EDIL3: variants seen among roughly 807,000 people sequenced by gnomAD.
EDIL3 encodes the protein EGF-like repeat and discoidin I-like domain-containing protein 3.
A neutral mutation model predicts 67.4 loss-of-function variants in EDIL3; 37 were observed. The ratio of observed to expected loss-of-function variants is 0.55; its 90% CI spans 0.42 to 0.72. EDIL3 has a LOEUF of 0.72. Among genes scored for constraint, EDIL3 ranks in the 30% least tolerant of loss-of-function variants. The pLI is 0.00. For synonymous variants in EDIL3, 195 were observed against 196.3 expected (o/e 0.99, Z 0.05); for missense variants, 527 against 586.3 (o/e 0.90, Z 1.04).
chr5:84,371,609 T>TA (rs947718178), intron 1 of EDIL3, among the ~76,000 whole-genome samples: 13 of 150,944 alleles, frequency 8.6e-5, no homozygotes, highest in Admixed American at 7.9e-4. Context: ...ATGTACATGA[T>TA]AAAAAATAAC....
At chr5:84,036,049 G>A (rs1205418261) in intron 9 of EDIL3, among the ~76,000 whole-genome samples, 2 of 152,166 alleles carry the variant, frequency 1.3e-5, no homozygotes, top group African/African-American at 4.8e-5. Flanking sequence ...TTGCAAACGT[G>A]CAAGTTTGGT....
At chr5:84,112,871 TAAAC>T (rs1368090081) in intron 5 of EDIL3, among the ~76,000 whole-genome samples, 1 of 152,146 alleles carries the variant, frequency 6.6e-6, no homozygotes, top group East Asian at 1.9e-4. Flanking sequence ...GAAAGGTAAA[TAAAC>T]AATACAAATG....
At chr5:84,383,547 G>A (rs1181250102) in intron 1 of EDIL3, among the ~76,000 whole-genome samples, 2 of 152,020 alleles carry the variant, frequency 1.3e-5, no homozygotes, top group African/African-American at 4.8e-5. Context: ...CAACTTTTCC[G>A]CTCCTGTGCG....
intron 9 of EDIL3, among the ~76,000 whole-genome samples, chr5:84,045,848 C>A (rs1426994280): frequency 6.6e-6 from 1 of 152,260 alleles, no homozygotes; most frequent in South Asian, 2.1e-4. Context: ...TATCAGCCAG[C>A]AAATCAATAC....
At chr5:84,249,577 A>G (rs1358297766) in intron 2 of EDIL3, among the ~76,000 whole-genome samples, 1 of 152,154 alleles carries the variant, frequency 6.6e-6, no homozygotes, top group Non-Finnish European at 1.5e-5. Context: ...TAAACACTCA[A>G]TAAATATTTG....
chr5:84,122,430 T>A (rs1747792676), intron 5 of EDIL3, among the ~76,000 whole-genome samples: 1 of 152,034 alleles, frequency 6.6e-6, no homozygotes. Context: ...GTTACATATG[T>A]ATACATGTGC....
chr5:84,109,766 CA>C (rs755122026), intron 5 of EDIL3, among the ~76,000 whole-genome samples: 2 of 152,116 alleles, frequency 1.3e-5, no homozygotes, highest in South Asian at 4.2e-4. Flanking sequence ...TACATATAGT[CA>C]AAAAAGGCCA....
At position 84,278,259 on chromosome 5, in the gene EDIL3, CTT is replaced by C. The variant is rs199601762; in HGVS notation, c.68-24049_68-24048del. Among the ~76,000 whole-genome samples the C allele has an allele frequency of 2.2e-3, 338 of 152,292 alleles. 1 individual carries two copies. The East Asian group carries it at 0.036, about 16-fold the overall frequency. ...AACATTACAGACTGTCTATTCCTCT[CTT>C]GTGTTTCACTGTATATTTCATTCAT... On this transcript the variant is annotated intron_variant, in intron 1 of 10. Coordinates refer to ENST00000296591, the MANE Select transcript of EDIL3 (RefSeq NM_005711.5).
intron 1 of EDIL3, among the ~76,000 whole-genome samples, chr5:84,349,862 T>C (rs1446824032): frequency 6.6e-6 from 1 of 152,170 alleles, no homozygotes; most frequent in Non-Finnish European, 1.5e-5. Context: ...GCAAATACTT[T>C]TGATTAACTT....
chr5:83,970,678 T>G, intron 9 of EDIL3, among the ~76,000 whole-genome samples: 1 of 109,010 alleles, frequency 9.2e-6, no homozygotes, highest in African/African-American at 3.2e-5. Context: ...TATATATATA[T>G]ATATATTTAA....
intron 6 of EDIL3, chr5:84,078,684 GC>G (rs2112255321): frequency 6.6e-6 from 1 of 152,280 alleles, no homozygotes; most frequent in Admixed American, 6.5e-5. Context: ...TTACATCAGT[GC>G]TGGCAGGTGA....
At chr5:84,138,372 C>T (rs1293650566) in intron 4 of EDIL3, among the ~76,000 whole-genome samples, 3 of 152,314 alleles carry the variant, frequency 2.0e-5, no homozygotes, top group African/African-American at 7.2e-5. Flanking sequence ...CCTATCTTGC[C>T]CTGTTCCTTG....
chr5:84,377,060 C>T (rs1328530615), intron 1 of EDIL3, among the ~76,000 whole-genome samples: 1 of 152,192 alleles, frequency 6.6e-6, no homozygotes, highest in East Asian at 1.9e-4. Flanking sequence ...GGCGCGGTGG[C>T]TCACGCCTGT....
intron 1 of EDIL3, among the ~76,000 whole-genome samples, chr5:84,339,148 G>A (rs989770745): frequency 6.6e-6 from 1 of 152,106 alleles, no homozygotes; most frequent in African/African-American, 2.4e-5. Context: ...GAGCCATGCT[G>A]TCTGGGATTA....
intron 9 of EDIL3, among the ~76,000 whole-genome samples, chr5:84,029,719 T>C (rs142926313): frequency 1.2e-4 from 18 of 152,282 alleles, no homozygotes; most frequent in South Asian, 4.1e-4. Flanking sequence ...TATGGCAGGC[T>C]GCATTAATTA....
chr5:84,037,599 A>C (rs1248170269), intron 9 of EDIL3, among the ~76,000 whole-genome samples: 1 of 152,230 alleles, frequency 6.6e-6, no homozygotes, highest in Admixed American at 6.5e-5. Flanking sequence ...CAAAGAATAA[A>C]ACTTCCTAAA....
intron 4 of EDIL3, among the ~76,000 whole-genome samples, chr5:84,178,461 C>G (rs1209029165): frequency 1.3e-4 from 20 of 152,150 alleles, no homozygotes; most frequent in Non-Finnish European, 1.5e-5. Flanking sequence ...GCTTCCAGGG[C>G]CCCTAGCACT....
rs962769773 is a variant in EDIL3, at chr5:83,940,598, C to A, written c.*2821G>T. The stretch of plus-strand genomic sequence containing the variant: ...AATTACAACTGCTTCAAAAGAATCC[C>A]AGCTTTTCAAAAGTTTATTTTAAGT... On this transcript the variant is annotated 3_prime_UTR_variant, in exon 11 of 11. Coordinates refer to ENST00000296591, the MANE Select transcript of EDIL3 (RefSeq NM_005711.5). 1 of 151,850 alleles carries A rather than the reference C, an allele frequency of 6.6e-6. No homozygotes were observed. Among genetic ancestry groups the A allele is most frequent in the African/African-American group, 2.4e-5 (1 of 41,384 alleles). 9.4% of individuals were successfully genotyped at this position (151,850 alleles called of 1,614,324 possible). A position where few individuals can be genotyped will look rare whatever the true frequency, so the allele number is the denominator to read the frequency against.
At chr5:84,239,654 AGAG>A (rs1744758146) in intron 2 of EDIL3, among the ~76,000 whole-genome samples, 1 of 152,218 alleles carries the variant, frequency 6.6e-6, no homozygotes, top group African/African-American at 2.4e-5. Context: ...AAGATTAGTC[AGAG>A]GAGGTCATGC....
Sources: allele counts gnomAD v4.1 joint callset (sites outside exome capture counted in the v4.1 genomes callset), GRCh38; gene constraint gnomAD v4.1.1; transcripts MANE v1.5; gene names NCBI Gene and HGNC (gene_info 2026-07-23, HGNC 2026-07-21).